The following MYO5A variants were observed in gnomAD, a reference collection of about 807,000 sequenced individuals.
MYO5A encodes unconventional myosin-Va.
A neutral mutation model predicts 249.7 loss-of-function variants in MYO5A; 98 were observed. The ratio of observed to expected loss-of-function variants is 0.39; its 90% CI spans 0.33 to 0.46. The LOEUF is 0.46. MYO5A is among the 20% of genes least tolerant of loss of function. The probability of loss-of-function intolerance (pLI) is 0.98; values close to 1 mark genes in which losing one functional copy is unlikely to be tolerated. For missense variants in MYO5A, 1,696 were observed against 2,308.8 expected (o/e 0.73, Z 5.44); for synonymous variants, 778 against 810.6 (o/e 0.96, Z 0.68).
intron 1 of MYO5A, among the ~76,000 whole-genome samples, chr15:52,483,140 C>T (rs1158421300): frequency 6.6e-6 from 1 of 152,220 alleles, no homozygotes; most frequent in African/African-American, 2.4e-5. Context: ...TGTGTCTACA[C>T]CACTCCTCTG....
chr15:52,411,190 T>G (rs1335180746), intron 5 of MYO5A, among the ~76,000 whole-genome samples: 1 of 152,222 alleles, frequency 6.6e-6, no homozygotes, highest in Non-Finnish European at 1.5e-5. Flanking sequence ...TTTACATAAA[T>G]AAGATGGTTA....
chr15:52,354,163 C>G, intron 25 of MYO5A, 149 bp from the exon 26 acceptor site: 1 of 954,340 alleles, frequency 1.0e-6, no homozygotes. Context: ...AAATGCTCAA[C>G]CTAGCTAACA....
intron 9 of MYO5A, among the ~76,000 whole-genome samples, chr15:52,402,114 T>A (rs374669488): frequency 4.6e-5 from 7 of 152,206 alleles, no homozygotes; most frequent in Admixed American, 4.6e-4. Flanking sequence ...CAAAGTAGAT[T>A]TGCAGTTGCT....
chr15:52,506,050 C>A (rs187897301), intron 1 of MYO5A, among the ~76,000 whole-genome samples: 1 of 151,638 alleles, frequency 6.6e-6, no homozygotes, highest in East Asian at 2.0e-4. Flanking sequence ...CCTCTCTCTA[C>A]TAAAAAAATA....
At chr15:52,343,533 T>C (rs2039475148) in intron 30 of MYO5A, among the ~76,000 whole-genome samples, 1 of 152,236 alleles carries the variant, frequency 6.6e-6, no homozygotes, top group Non-Finnish European at 1.5e-5. Context: ...ACATCACATA[T>C]TGTATTAGAG....
chr15:52,435,795 A>G, intron 1 of MYO5A: 1 of 372,514 alleles, frequency 2.7e-6, no homozygotes, highest in Non-Finnish European at 5.2e-6. Context: ...AGTAGAGGCT[A>G]AAGCCCTCAC....
At chr15:52,328,136 T>G in intron 35 of MYO5A, 130 bp from the exon 36 acceptor site, 1 of 746,866 alleles carries the variant, frequency 1.3e-6, no homozygotes. Flanking sequence ...ATAAAAAGTG[T>G]ATTTTAATAG....
At position 52,492,473 on chromosome 15, in the gene MYO5A, T is replaced by C. The variant is rs149032208; in HGVS notation, c.27+36307A>G. Among the ~76,000 whole-genome samples, 439 of 152,334 alleles carry C rather than the reference T, an allele frequency of 2.9e-3. 4 individuals are homozygous for C. Among genetic ancestry groups the C allele is most frequent in the African/African-American group, 9.8e-3 (409 of 41,570 alleles). On this transcript the variant is annotated intron_variant, in intron 1 of 41. Transcript: ENST00000399233. ...CAGTTTTTACTGAGGACAGGTTACA[T>C]AGGCAAACTCTGTATAGCACTTACT...
chr15:52,340,658 C>G (rs574212922), intron 31 of MYO5A, among the ~76,000 whole-genome samples: 5 of 152,156 alleles, frequency 3.3e-5, no homozygotes, highest in Admixed American at 6.5e-5. Context: ...TTGAAAGGTT[C>G]ATAGGAGGCC....
At chr15:52,450,791 C>A (rs2076000288) in intron 1 of MYO5A, among the ~76,000 whole-genome samples, 2 of 151,294 alleles carry the variant, frequency 1.3e-5, no homozygotes, top group Non-Finnish European at 2.9e-5. Flanking sequence ...ACGTAAGTCA[C>A]CACATCTAGC....
intron 27 of MYO5A, 119 bp from the exon 28 acceptor site, chr15:52,351,600 G>C (rs984739509): frequency 1.4e-5 from 14 of 967,886 alleles, no homozygotes; most frequent in African/African-American, 1.1e-4. Flanking sequence ...AGTTACCCTA[G>C]TGAATGGCTT....
At chr15:52,321,792 TAAAAAAAA>T (rs71875115) in intron 37 of MYO5A, among the ~76,000 whole-genome samples, 8 of 92,840 alleles carry the variant, frequency 8.6e-5, no homozygotes, top group Non-Finnish European at 1.3e-4. Flanking sequence ...GGAACTTAAC[TAAAAAAAA>T]AAAAAAAAAA....
At chr15:52,507,974 T>C (rs2077309782) in intron 1 of MYO5A, among the ~76,000 whole-genome samples, 1 of 152,178 alleles carries the variant, frequency 6.6e-6, no homozygotes, top group Non-Finnish European at 1.5e-5. Context: ...GGGCTTTACA[T>C]ATATATGTAT....
At chr15:52,474,217 T>C (rs2076540888) in intron 1 of MYO5A, among the ~76,000 whole-genome samples, 1 of 152,226 alleles carries the variant, frequency 6.6e-6, no homozygotes, top group African/African-American at 2.4e-5. Context: ...GTAAGAATGC[T>C]TGTGATTTTT....
chr15:52,492,688 A>G lies in MYO5A; in HGVS notation c.27+36092T>C, dbSNP rs561872124. 2.0e-5 allele frequency among the ~76,000 whole-genome samples: 3 copies of G among 152,318 alleles called. 1 individual carries two copies. Among genetic ancestry groups the G allele is most frequent in the African/African-American group, 4.8e-5 (2 of 41,566 alleles). On this transcript the variant is annotated intron_variant, in intron 1 of 41. Coordinates refer to ENST00000399233, the MANE Select transcript of MYO5A (RefSeq NM_001382347.1). ...CCAAAGGACAGCAATCAGGCCTGCT[A>G]TGCTCTTTTCTGCACAGATACACAG...
chr15:52,326,922 G>T (rs966913665), intron 36 of MYO5A, among the ~76,000 whole-genome samples: 1 of 152,162 alleles, frequency 6.6e-6, no homozygotes, highest in Admixed American at 6.5e-5. Flanking sequence ...TGTTTCTCTG[G>T]AGTCAAGAGG....
At position 52,528,861 on chromosome 15, in the gene MYO5A, G is replaced by C; in HGVS notation, c.-55C>G. 1 of 1,425,842 alleles carries C rather than the reference G, an allele frequency of 7.0e-7. No individual in the cohort carries two copies. Among genetic ancestry groups the C allele is most frequent in the Non-Finnish European group, 9.1e-7 (1 of 1,092,994 alleles). 88.3% of individuals were successfully genotyped at this position (1,425,842 alleles called of 1,614,324 possible). On this transcript the variant is annotated 5_prime_UTR_variant, in exon 1 of 42. Transcript: ENST00000399233. ...CTGTGCGGAGGCCGCACCTCGCCTG[G>C]GCGGCCGCCCGAGCGGACTAGGAAG...
rs779177157 is a variant in MYO5A at position 52,407,293 on chromosome 15, T to C, written c.945A>G (p.Leu315=). ...MAHTRQACTL[L]GISESHQMGI... is the part of the protein sequence containing the mutation. Reference sequence around the variant, plus strand: ...AGCTCAAGAATAAAGTGACATTACCTAGCAAAGTGCAGGCCTGCCTAGTAT... The same window carrying C: ...AGCTCAAGAATAAAGTGACATTACCCAGCAAAGTGCAGGCCTGCCTAGTAT... The change falls in exon 8 of 42, where the codon CTA becomes CTG. Residue 315 remains leucine (L), a splice_region_variant and synonymous_variant. Coordinates refer to ENST00000399233, the MANE Select transcript of MYO5A (RefSeq NM_001382347.1). 3 of 1,608,048 alleles carry C rather than the reference T, an allele frequency of 1.9e-6. No individual in the cohort carries two copies. The highest frequency in any genetic ancestry group is 1.7e-5 in the Admixed American group (1 of 60,004).
chr15:52,425,692 T>C, intron 4 of MYO5A, 138 bp downstream of exon 4: 1 of 975,138 alleles, frequency 1.0e-6, no homozygotes, highest in Non-Finnish European at 1.6e-6. Context: ...CCAAGTCACC[T>C]GAGACAAACT....
Sources: gnomAD v4.1 joint callset for allele counts (sites outside exome capture counted in the v4.1 genomes callset) on GRCh38, gnomAD v4.1.1 for gene constraint, MANE v1.5 for transcripts, NCBI Gene and HGNC (gene_info 2026-07-23, HGNC 2026-07-21) for gene names.